HNF1A: variants seen among roughly 807,000 people sequenced by gnomAD.
HNF1A encodes the protein hepatocyte nuclear factor 1-alpha.
A neutral mutation model predicts 62.2 loss-of-function variants in HNF1A; 21 were observed. The observed-to-expected ratio is 0.34, with a 90% CI of 0.24 to 0.49. The LOEUF (loss-of-function observed/expected upper bound fraction) is 0.49. Ranked by LOEUF, HNF1A falls within the 20% of genes least tolerant of loss-of-function variation. The probability of loss-of-function intolerance (pLI) is 0.99; values close to 1 mark genes in which losing one functional copy is unlikely to be tolerated. For synonymous variants in HNF1A, 374 were observed against 366.8 expected, an observed-to-expected ratio of 1.02 and a Z score of -0.22; for missense variants, 687 against 832.3, an observed-to-expected ratio of 0.83 and a Z score of 2.15.
intron 1 of HNF1A, among the ~76,000 whole-genome samples, chr12:120,983,946 GTGTT>G (rs1484146745): frequency 3.0e-4 from 46 of 150,930 alleles, no homozygotes; most frequent in African/African-American, 9.4e-4. Context: ...GTGTGTGTGT[GTGTT>G]TGTGTAAGAG....
At chr12:120,997,355 C>T (rs1877161474) in intron 6 of HNF1A, 119 bp from the exon 7 acceptor site, 1 of 1,350,328 alleles carries the variant, frequency 7.4e-7, no homozygotes, top group African/African-American at 1.5e-5. Context: ...TTCCTGACCA[C>T]CCTGCCCCCT....
intron 1 of HNF1A, among the ~76,000 whole-genome samples, chr12:120,984,491 GAGGGAGGA>G (rs577452979): frequency 2.2e-3 from 336 of 152,232 alleles, no homozygotes; most frequent in African/African-American, 7.7e-3. Context: ...AGAAGGGAAG[GAGGGAGGA>G]AGGGAGGACA....
At position 120,978,974 on chromosome 12, in the gene HNF1A, G is replaced by C. The variant is rs758774357; in HGVS notation, c.206G>C (p.Gly69Ala). The C allele has an allele frequency of 6.2e-7, 1 of 1,607,956 alleles. No individual in the cohort carries two copies. Among genetic ancestry groups the C allele is most frequent in the African/African-American group, 1.3e-5 (1 of 75,000 alleles). ...ELPNGLGETR[G>A]SEDETDDDGE... ...CCCAATGGGCTGGGGGAGACTCGGG[G>C]CTCCGAGGACGAGACGGACGACGAT... The change falls in exon 1 of 10, where the codon GGC becomes GCC. Residue 69 changes from glycine to alanine, a missense_variant. Transcript: ENST00000257555.
chr12:120,997,292 G>A, intron 6 of HNF1A, 182 bp from the exon 7 acceptor site: 4 of 1,402,040 alleles, frequency 2.9e-6, no homozygotes, highest in Non-Finnish European at 3.7e-6. Flanking sequence ...CAGAGAGGGG[G>A]AATGACTTGC....
chr12:120,994,233 G>A lies in HNF1A; in HGVS notation c.783G>A (p.Glu261=), dbSNP rs1192291878. 6 of 1,613,630 alleles carry A rather than the reference G, an allele frequency of 3.7e-6. No homozygotes were observed. The highest frequency in any genetic ancestry group is 3.4e-6 in the Non-Finnish European group (4 of 1,179,798). ...GGCTGGGCTCCAACCTCGTCACGGA[G>A]GTGCGTGTCTACAACTGGTTTGCCA... is the stretch of plus-strand genomic sequence containing the variant. ...AQGLGSNLVT[E]VRVYNWFANR... is the part of the protein sequence containing the mutation. The change falls in exon 4 of 10, where the codon GAG becomes GAA. Residue 261 remains glutamate, a synonymous_variant. Transcript: ENST00000257555.
Position 120,994,392 on chromosome 12 carries a change from C to A in HNF1A, c.942C>A (p.Pro314=), listed in dbSNP as rs1239319216. The change falls in exon 4 of 10, where the codon CCC becomes CCA. Residue 314 remains proline (P), a synonymous_variant. Coordinates refer to ENST00000257555, the MANE Select transcript of HNF1A (RefSeq NM_000545.8). ...GCCTGCCTCCACCTGCCCTCTCCCCCAGTAAGGTCCACGGTAAGTGGTATG... is the reference window on the plus strand; with the variant it reads ...GCCTGCCTCCACCTGCCCTCTCCCCAAGTAAGGTCCACGGTAAGTGGTATG... ...SPGLPPPALS[P]SKVHGVRYGQ... 1.3e-6 allele frequency: 2 copies of A among 1,590,194 alleles called. No individual in the cohort carries two copies. Among genetic ancestry groups the A allele is most frequent in the African/African-American group, 1.3e-5 (1 of 74,684 alleles).
Position 120,999,333 on chromosome 12 carries a change from C to G in HNF1A, c.1567C>G (p.Leu523Val), listed in dbSNP as rs1877296599. The G allele has an allele frequency of 1.2e-6, 2 of 1,614,036 alleles. No homozygotes were observed. The highest frequency in any genetic ancestry group is 1.7e-6 in the Non-Finnish European group (2 of 1,179,998). Residue 523 changes from leucine to valine, a missense_variant, in exon 8 of 10, where the codon CTC (leucine) becomes GTC (valine). Around this residue, in one of 5 missense-constraint regions of HNF1A, gnomAD observed 408 missense variants for 455.3 expected, o/e 0.90. Transcript: ENST00000257555. ...THTGLLPQTM[L>V]ITDTTNLSAL... The stretch of plus-strand genomic sequence containing the variant: ...CACGGGCCTGCTCCCGCAGACTATG[C>G]TCATCACCGACACCACCAACCTGAG...
At chr12:120,983,254 G>A (rs1876342024) in intron 1 of HNF1A, among the ~76,000 whole-genome samples, 2 of 152,216 alleles carry the variant, frequency 1.3e-5, no homozygotes, top group African/African-American at 2.4e-5. Flanking sequence ...GGGCTGCATT[G>A]TTAAGATGAT....
In HNF1A at chr12:120,988,898, G is replaced by A. The variant is rs753998395; in HGVS notation, c.392G>A (p.Arg131Gln). 1.9e-6 allele frequency: 3 copies of A among 1,614,242 alleles called. No individual in the cohort carries two copies. Among genetic ancestry groups the A allele is most frequent in the Non-Finnish European group, 2.5e-6 (3 of 1,180,048 alleles). The change falls in exon 2 of 10, where the codon CGG becomes CAG. Residue 131 changes from arginine (R) to glutamine (Q), a missense_variant. Physicochemically the swap from Arg to Gln is conservative, Grantham distance 43. Coordinates refer to ENST00000257555, the MANE Select transcript of HNF1A (RefSeq NM_000545.8). ...SYLQQHNIPQREVVDTTGLNQ... is the reference protein window; with the variant it reads ...SYLQQHNIPQQEVVDTTGLNQ... ...CTGCAGCAGCACAACATCCCACAGCGGGAGGTGGTCGATACCACTGGCCTC... is the reference window on the plus strand; with the variant it reads ...CTGCAGCAGCACAACATCCCACAGCAGGAGGTGGTCGATACCACTGGCCTC...
Position 120,984,763 on chromosome 12 carries a change from T to C in HNF1A, c.327-4070T>C, listed in dbSNP as rs1876427642. Among the ~76,000 whole-genome samples the C allele has an allele frequency of 2.0e-5, 3 of 151,764 alleles. No homozygotes were observed. The East Asian group carries it at 5.8e-4, about 29-fold the overall frequency. On this transcript the variant is annotated intron_variant, in intron 1 of 9. Coordinates refer to ENST00000257555, the MANE Select transcript of HNF1A (RefSeq NM_000545.8). ...CGGGGGTGGGGTGGTCCTGGCAACA[T>C]GAAATATTTTTGAGTCCCAACTAGA...
At position 120,999,722 on chromosome 12, in the gene HNF1A, T is replaced by A. The variant is rs1402095210; in HGVS notation, c.1768+95T>A. On this transcript the variant is annotated intron_variant, in intron 9 of 9. Transcript: ENST00000257555. Reference sequence around the variant, plus strand: ...GTTGCTGTCCGTCACTGTGGGGCTGTGCATGCAGCAGGCCTAGGGCTGCTG... The same window carrying A: ...GTTGCTGTCCGTCACTGTGGGGCTGAGCATGCAGCAGGCCTAGGGCTGCTG... 5.5e-6 allele frequency: 8 copies of A among 1,462,528 alleles called. No homozygotes were observed. The East Asian group carries it at 1.2e-4, about 22-fold the overall frequency. The allele number at this position is 1,462,528 out of a possible 1,614,324, so 90.6% of individuals were successfully genotyped here. A position where few individuals can be genotyped will look rare whatever the true frequency, so the allele number is the denominator to read the frequency against.
At chr12:120,998,203 G>A (rs918041392) in intron 7 of HNF1A, 1 of 230,364 alleles carries the variant, frequency 4.3e-6, no homozygotes, top group African/African-American at 2.2e-5. Context: ...CTTGAACCTG[G>A]GAGGCGGAGG....
chr12:120,982,899 A>G (rs935356721), intron 1 of HNF1A, among the ~76,000 whole-genome samples: 8 of 152,182 alleles, frequency 5.3e-5, no homozygotes, highest in African/African-American at 1.9e-4. Flanking sequence ...TTTGGAGTTC[A>G]CAAAGGGCTT....
At chr12:120,999,173 G>A in intron 7 of HNF1A, 95 bp from the exon 8 acceptor site, 1 of 1,472,608 alleles carries the variant, frequency 6.8e-7, no homozygotes. Flanking sequence ...TGGCTGTTCA[G>A]CAGGCCCCAT....
chr12:120,997,602 G>A lies in HNF1A; in HGVS notation c.1438G>A (p.Val480Met), dbSNP rs1424563764. Residue 480 changes from valine to methionine, a missense_variant, in exon 7 of 10, where the codon GTG becomes ATG. This residue lies in a region of HNF1A where 408 missense variants were observed against 455.3 expected (regional missense o/e 0.90). Transcript: ENST00000257555. ...PSYQQPLMPP[V>M]QSHVTQSPFM... ...CTACCAGCAGCCGCTCATGCCACCT[G>A]TGCAGAGCCATGTGACCCAGAGCCC... The A allele has an allele frequency of 2.5e-6, 4 of 1,613,832 alleles. No homozygotes were observed. Among genetic ancestry groups the A allele is most frequent in the Non-Finnish European group, 3.4e-6 (4 of 1,179,966 alleles).
At position 120,997,955 on chromosome 12, in the gene HNF1A, A is replaced by G. The variant is rs1877203940; in HGVS notation, c.1501+290A>G. 4.8e-6 allele frequency: 3 copies of G among 621,864 alleles called. 1 individual carries two copies. In the South Asian group the frequency reaches 5.7e-5, roughly 12 times the overall value. The allele number at this position is 621,864 out of a possible 1,614,324, so 38.5% of individuals were successfully genotyped here. A position where few individuals can be genotyped will look rare whatever the true frequency, so the allele number is the denominator to read the frequency against. On this transcript the variant is annotated intron_variant, in intron 7 of 9. Transcript: ENST00000257555. ...GTTTCTCTGAAACTCTTAGGGCCAT[A>G]TGAATTTCTAAAATCTATTCAGATT... is the stretch of plus-strand genomic sequence containing the variant.
chr12:120,987,872 T>C (rs1422377268), intron 1 of HNF1A, among the ~76,000 whole-genome samples: 2 of 152,200 alleles, frequency 1.3e-5, no homozygotes, highest in African/African-American at 4.8e-5. Flanking sequence ...TTTCTTTTTT[T>C]TGAGACAGGG....
At chr12:120,999,025 G>C (rs1592897169) in intron 7 of HNF1A, among the ~76,000 whole-genome samples, 2 of 152,348 alleles carry the variant, frequency 1.3e-5, no homozygotes, top group Admixed American at 1.3e-4. Flanking sequence ...AGGAGCTGGA[G>C]TTGGTTTCTG....
intron 3 of HNF1A, 21 bp from the exon 4 acceptor site, chr12:120,994,143 C>T (rs759638896): frequency 5.6e-6 from 9 of 1,610,636 alleles, no homozygotes; most frequent in Non-Finnish European, 7.6e-6. Flanking sequence ...CCTGGAGGCT[C>T]ATGGGTGGCT....
Sources: gnomAD v4.1 joint callset for allele counts (sites outside exome capture counted in the v4.1 genomes callset) on GRCh38, gnomAD v4.1.1 for gene constraint, gnomAD v4.1.1 regional missense constraint, MANE v1.5 for transcripts, NCBI Gene and HGNC (gene_info 2026-07-23, HGNC 2026-07-21) for gene names.